The following PAFAH1B1 variants were observed in gnomAD, a reference collection of about 807,000 sequenced individuals.
PAFAH1B1 encodes platelet-activating factor acetylhydrolase IB subunit beta.
PAFAH1B1 carries 2 observed loss-of-function variants against 57.5 expected under a neutral mutation model. That is an observed-to-expected ratio of 0.03 (90% CI 0.01 to 0.11). The LOEUF (loss-of-function observed/expected upper bound fraction) is 0.11. PAFAH1B1 is among the 10% of genes least tolerant of loss of function. The probability of loss-of-function intolerance (pLI) is 1.00; values close to 1 mark genes in which losing one functional copy is unlikely to be tolerated. For synonymous variants in PAFAH1B1, 152 were observed against 169.6 expected, an observed-to-expected ratio of 0.90 and a Z score of 0.81; for missense variants, 257 against 512.0, an observed-to-expected ratio of 0.50 and a Z score of 4.81.
At chr17:2,605,830 A>G (rs1252136392) in intron 1 of PAFAH1B1, among the ~76,000 whole-genome samples, 2 of 152,248 alleles carry the variant, frequency 1.3e-5, no homozygotes, top group Non-Finnish European at 2.9e-5. Flanking sequence ...AATGGTACCT[A>G]GAACATAGTA....
At chr17:2,596,140 A>G (rs1048839504) in intron 1 of PAFAH1B1, among the ~76,000 whole-genome samples, 1 of 152,216 alleles carries the variant, frequency 6.6e-6, no homozygotes, top group East Asian at 1.9e-4. Flanking sequence ...CCTGCTTTAA[A>G]ATAGACACTT....
In PAFAH1B1 at chr17:2,670,255, T is replaced by C. The variant is rs757060868; in HGVS notation, c.492T>C (p.Leu164=). The change falls in exon 6 of 11, where the codon CTT becomes CTC. Residue 164 remains leucine, a synonymous_variant. Coordinates refer to ENST00000397195, the MANE Select transcript of PAFAH1B1 (RefSeq NM_000430.4). ...QDISFDHSGK[L]LASCSADMTI... ...TTTCATTCGACCACAGCGGCAAGCT[T>C]CTGGCTTCCTGTTCTGCAGATATGA... 1 of 1,614,208 alleles carries C rather than the reference T, an allele frequency of 6.2e-7. No individual in the cohort carries two copies. Among genetic ancestry groups the C allele is most frequent in the Non-Finnish European group, 8.5e-7 (1 of 1,180,012 alleles).
chr17:2,664,541 G>T (rs1313429028), intron 2 of PAFAH1B1, among the ~76,000 whole-genome samples: 1 of 152,006 alleles, frequency 6.6e-6, no homozygotes, highest in African/African-American at 2.4e-5. Context: ...GAGTAGCTGG[G>T]ATTACAGGGG....
At chr17:2,655,510 C>T (rs1448577876) in intron 2 of PAFAH1B1, among the ~76,000 whole-genome samples, 5 of 152,110 alleles carry the variant, frequency 3.3e-5, no homozygotes, top group Admixed American at 2.6e-4. Flanking sequence ...CATGTCTCCA[C>T]TAAAAATATA....
chr17:2,680,704 G>T (rs777703122), intron 10 of PAFAH1B1: 1 of 283,476 alleles, frequency 3.5e-6, no homozygotes, highest in Non-Finnish European at 6.9e-6. Context: ...TCAGAAAATT[G>T]TATTTGATTT....
chr17:2,600,756 C>G lies in PAFAH1B1; in HGVS notation c.-191+6750C>G, dbSNP rs146412632. Among the ~76,000 whole-genome samples the G allele has an allele frequency of 5.1e-3, 771 of 152,030 alleles. 2 individuals are homozygous for G. The highest frequency in any genetic ancestry group is 8.2e-3 in the Non-Finnish European group (556 of 67,998). ...GTTAAGTTTTTCTTTTTGAGACGGA[C>G]TCTCGCTGTGTTGCCCAGACTGTAG... On this transcript the variant is annotated intron_variant, in intron 1 of 10. Transcript: ENST00000397195.
intron 3 of PAFAH1B1, 117 bp from the exon 4 acceptor site, chr17:2,665,899 C>T: frequency 1.8e-6 from 2 of 1,092,092 alleles, no homozygotes. Context: ...CATGCCCAGC[C>T]ACTCCCTTTT....
chr17:2,624,755 C>G (rs2068467089), intron 1 of PAFAH1B1, among the ~76,000 whole-genome samples: 1 of 152,132 alleles, frequency 6.6e-6, no homozygotes, highest in African/African-American at 2.4e-5. Flanking sequence ...GTTGCCCAGG[C>G]TAGTCTTGAA....
intron 2 of PAFAH1B1, among the ~76,000 whole-genome samples, chr17:2,646,398 T>C (rs1228660870): frequency 2.0e-5 from 3 of 150,370 alleles, no homozygotes; most frequent in Non-Finnish European, 4.4e-5. Context: ...CGGTATCCTA[T>C]TAGGTTTGAA....
chr17:2,648,870 C>T (rs965008250), intron 2 of PAFAH1B1, among the ~76,000 whole-genome samples: 1 of 151,930 alleles, frequency 6.6e-6, no homozygotes, highest in African/African-American at 2.4e-5. Flanking sequence ...GGTGCATTCC[C>T]ATTAAAGTCA....
intron 1 of PAFAH1B1, among the ~76,000 whole-genome samples, chr17:2,635,159 CAA>C (rs781397486): frequency 2.9e-4 from 28 of 96,954 alleles, no homozygotes; most frequent in South Asian, 3.3e-4. Flanking sequence ...AACTCTGTCT[CAA>C]AAAAAAAAAA....
chr17:2,679,833 AGG>A lies in PAFAH1B1; in HGVS notation c.1003-330_1003-329del, dbSNP rs2069349816. On this transcript the variant is annotated intron_variant, in intron 9 of 10. Coordinates refer to ENST00000397195, the MANE Select transcript of PAFAH1B1 (RefSeq NM_000430.4). ...TTTTAGCATGAACCACCTAAGAACA[AGG>A]ATAGTATATAAATAACCAAAATAAA... 4 of 304,624 alleles carry A rather than the reference AGG, an allele frequency of 1.3e-5. No homozygotes were observed. In the Admixed American group the frequency reaches 1.4e-4, roughly 11 times the overall value. The allele number at this position is 304,624 out of a possible 1,614,324, so 18.9% of individuals were successfully genotyped here. A position where few individuals can be genotyped will look rare whatever the true frequency, so the allele number is the denominator to read the frequency against.
chr17:2,673,044 G>C (rs541492528), intron 7 of PAFAH1B1, among the ~76,000 whole-genome samples: 4 of 152,098 alleles, frequency 2.6e-5, no homozygotes, highest in African/African-American at 9.6e-5. Context: ...CTCTAGCCTG[G>C]GCAACAAGAG....
At chr17:2,658,864 G>A (rs116449325) in intron 2 of PAFAH1B1, among the ~76,000 whole-genome samples, 3 of 152,176 alleles carry the variant, frequency 2.0e-5, no homozygotes, top group Non-Finnish European at 4.4e-5. Context: ...CTTAGGGTAC[G>A]TGAGGTTGGA....
At chr17:2,604,118 A>C (rs1257773607) in intron 1 of PAFAH1B1, among the ~76,000 whole-genome samples, 2 of 137,286 alleles carry the variant, frequency 1.5e-5, no homozygotes, top group Non-Finnish European at 3.1e-5. Flanking sequence ...GCTCACTGCA[A>C]CCTCCACCTC....
At chr17:2,680,141 C>T in intron 9 of PAFAH1B1, 23 bp from the exon 10 acceptor site, 1 of 1,611,814 alleles carries the variant, frequency 6.2e-7, no homozygotes, top group Admixed American at 1.7e-5. Flanking sequence ...TTTACTGAGT[C>T]AAATAACTTT....
At chr17:2,610,551 C>G (rs2068256142) in intron 1 of PAFAH1B1, among the ~76,000 whole-genome samples, 1 of 152,166 alleles carries the variant, frequency 6.6e-6, no homozygotes, top group Non-Finnish European at 1.5e-5. Context: ...AATATTTTGA[C>G]TTCCCTGGGC....
At chr17:2,656,610 G>A (rs748206536) in intron 2 of PAFAH1B1, among the ~76,000 whole-genome samples, 3 of 152,144 alleles carry the variant, frequency 2.0e-5, no homozygotes, top group Non-Finnish European at 4.4e-5. Context: ...CTGCTCTTCA[G>A]TGCAGAGTAA....
chr17:2,640,019 C>T (rs1222425534), intron 2 of PAFAH1B1: 2 of 152,126 alleles, frequency 1.3e-5, no homozygotes, highest in African/African-American at 4.8e-5. Flanking sequence ...CCATTGTTAA[C>T]ATTTTGTACC....
Sources: allele counts gnomAD v4.1 joint callset (sites outside exome capture counted in the v4.1 genomes callset), GRCh38; gene constraint gnomAD v4.1.1; transcripts MANE v1.5; gene names NCBI Gene and HGNC (gene_info 2026-07-23, HGNC 2026-07-21).